ADK: variants seen among roughly 807,000 people sequenced by gnomAD.
The protein encoded by ADK is adenosine kinase.
A neutral mutation model predicts 44.7 loss-of-function variants in ADK; 24 were observed. That is an observed-to-expected ratio of 0.54 (90% confidence interval 0.39 to 0.76). The LOEUF is 0.76. Among genes scored for constraint, ADK ranks in the 30% least tolerant of loss-of-function variants. The probability of loss-of-function intolerance (pLI) is 0.00; values close to 1 mark genes in which losing one functional copy is unlikely to be tolerated. For synonymous variants in ADK, 128 were observed against 142.6 expected, an observed-to-expected ratio of 0.90 and a Z score of 0.73; for missense variants, 321 against 425.1, an observed-to-expected ratio of 0.76 and a Z score of 2.15.
intron 6 of ADK, among the ~76,000 whole-genome samples, chr10:74,464,750 C>T (rs1485451270): frequency 2.6e-5 from 4 of 152,044 alleles, no homozygotes; most frequent in East Asian, 3.9e-4. Context: ...TTGGAAGCCA[C>T]GATGGGTGGG....
At chr10:74,576,320 A>G (rs1851183062) in intron 7 of ADK, among the ~76,000 whole-genome samples, 1 of 152,148 alleles carries the variant, frequency 6.6e-6, no homozygotes, top group African/African-American at 2.4e-5. Flanking sequence ...TGGAAGATCC[A>G]AAAGAGAGCA....
At chr10:74,176,876 A>C in intron 1 of ADK, 3 of 1,609,838 alleles carry the variant, frequency 1.9e-6, no homozygotes, top group African/African-American at 1.3e-5. Flanking sequence ...CGAAGCCATG[A>C]CGTCAGTCAG....
rs1357608859 is a variant in ADK, at chr10:74,377,931, C to T, written c.274-16210C>T. Among the ~76,000 whole-genome samples, 3 of 152,120 alleles carry T rather than the reference C, an allele frequency of 2.0e-5. No homozygotes were observed. The East Asian group carries it at 5.8e-4, about 29-fold the overall frequency. On this transcript the variant is annotated intron_variant, in intron 4 of 10. Coordinates refer to ENST00000539909, the MANE Select transcript of ADK (RefSeq NM_006721.4). ...GGATTTTACTTTATCTCACAAATATCTAATAAAATTTTTGGGTGATCCTCT... is the reference window on the plus strand; with the variant it reads ...GGATTTTACTTTATCTCACAAATATTTAATAAAATTTTTGGGTGATCCTCT...
At chr10:74,678,161 G>A (rs963331552) in intron 10 of ADK, among the ~76,000 whole-genome samples, 6 of 145,354 alleles carry the variant, frequency 4.1e-5, no homozygotes, top group Non-Finnish European at 7.5e-5. Flanking sequence ...AAAAAAAAAA[G>A]GATATGAAAC....
chr10:74,459,827 A>AT (rs937879955), intron 6 of ADK, among the ~76,000 whole-genome samples: 7 of 151,016 alleles, frequency 4.6e-5, no homozygotes, highest in Non-Finnish European at 7.4e-5. Context: ...ATAAGGCATT[A>AT]TTTTTTTTCC....
At position 74,224,587 on chromosome 10, in the gene ADK, G is replaced by A. The variant is rs1424981833; in HGVS notation, c.190G>A (p.Glu64Lys). 1 of 1,613,266 alleles carries A rather than the reference G, an allele frequency of 6.2e-7. No homozygotes were observed. The highest frequency in any genetic ancestry group is 1.3e-5 in the African/African-American group (1 of 74,882). ...AATCTTGGCTGAAGACAAACACAAG[G>A]AACTGTAAGTGCATTAAACCATTGG... Reference protein sequence around the residue: ...DQILAEDKHKELFDELVKKFK... With the variant: ...DQILAEDKHKKLFDELVKKFK... Residue 64 changes from glutamate to lysine, a missense_variant, in exon 3 of 11, where the codon GAA becomes AAA. Glu to Lys is a moderately conservative substitution (Grantham distance 56, BLOSUM62 1). Transcript: ENST00000539909.
chr10:74,488,294 A>C (rs1315262589), intron 6 of ADK, among the ~76,000 whole-genome samples: 1 of 151,714 alleles, frequency 6.6e-6, no homozygotes, highest in South Asian at 2.1e-4. Flanking sequence ...TTATATAGGA[A>C]AATCTCCTTG....
intron 1 of ADK, among the ~76,000 whole-genome samples, chr10:74,180,455 T>C (rs1184036789): frequency 7.3e-6 from 1 of 136,792 alleles, no homozygotes; most frequent in African/African-American, 3.0e-5. Context: ...GCCAGGCTAG[T>C]CTTTTTTTTT....
chr10:74,535,356 G>A (rs938084704), intron 7 of ADK, among the ~76,000 whole-genome samples: 8 of 152,036 alleles, frequency 5.3e-5, no homozygotes, highest in African/African-American at 1.2e-4. Flanking sequence ...CCAGCTATTC[G>A]GGAGGCTAAG....
At chr10:74,642,359 A>AT (rs59316334) in intron 9 of ADK, among the ~76,000 whole-genome samples, 1,822 of 134,134 alleles carry the variant, frequency 0.014, 16 homozygotes, top group Middle Eastern at 0.022. Flanking sequence ...GATGCACTCA[A>AT]TTTTTTTTTT....
intron 10 of ADK, among the ~76,000 whole-genome samples, chr10:74,681,700 A>G (rs1397147255): frequency 6.6e-6 from 1 of 152,110 alleles, no homozygotes; most frequent in Non-Finnish European, 1.5e-5. Flanking sequence ...AACACAAAAA[A>G]TTAGCCAAGC....
intron 4 of ADK, among the ~76,000 whole-genome samples, chr10:74,342,553 G>A (rs1841614810): frequency 6.6e-6 from 1 of 152,122 alleles, no homozygotes; most frequent in South Asian, 2.1e-4. Flanking sequence ...GCTCACTGCA[G>A]CCACAATCTC....
At chr10:74,393,113 G>A (rs1008868376) in intron 4 of ADK, among the ~76,000 whole-genome samples, 6 of 152,040 alleles carry the variant, frequency 3.9e-5, no homozygotes, top group African/African-American at 1.4e-4. Flanking sequence ...TTACAGTTCT[G>A]TCTTTGTTAC....
intron 1 of ADK, among the ~76,000 whole-genome samples, chr10:74,171,808 C>CTGTGTGTGTGTGTG (rs548797359): frequency 2.0e-4 from 28 of 142,534 alleles, no homozygotes; most frequent in African/African-American, 7.9e-4. Context: ...CTCTCTGTCT[C>CTGTGTGTGTGTGTG]TCTGTGTGTG....
intron 10 of ADK, among the ~76,000 whole-genome samples, chr10:74,672,056 A>G (rs1855209061): frequency 6.6e-6 from 1 of 152,236 alleles, no homozygotes; most frequent in Non-Finnish European, 1.5e-5. Context: ...ACAACGATAA[A>G]TAAACTACTT....
rs1003857254 is a variant in ADK at position 74,208,654 on chromosome 10, C to T, written c.140+7816C>T. Among the ~76,000 whole-genome samples the T allele has an allele frequency of 1.4e-4, 22 of 151,972 alleles. 1 individual carries two copies. The Middle Eastern group carries it at 0.01, about 70-fold the overall frequency. On this transcript the variant is annotated intron_variant, in intron 2 of 10. Transcript: ENST00000539909. ...AACTTACCTTATGATATAAACGAAT[C>T]GTGTTTAGCCTACATTTTGAGCCAC...
rs60670688 is a variant in ADK, at chr10:74,205,040, CAAAAAAAAAAAAAA to C, written c.140+4218_140+4231del. Among the ~76,000 whole-genome samples the C allele has an allele frequency of 5.8e-5, 3 of 51,644 alleles. No individual in the cohort carries two copies. In the South Asian group the frequency reaches 3.7e-3, roughly 65 times the overall value. The allele number at this position is 51,644 out of a possible 152,430, so 33.9% of individuals were successfully genotyped here. On this transcript the variant is annotated intron_variant, in intron 2 of 10. Coordinates refer to ENST00000539909, the MANE Select transcript of ADK (RefSeq NM_006721.4). ...GGGTGACAGAGTTGACACTCTGTCT[CAAAAAAAAAAAAAA>C]AAAAAAAAAAAAAAATTAAACCAAG... is the stretch of plus-strand genomic sequence containing the variant.
intron 8 of ADK, among the ~76,000 whole-genome samples, chr10:74,593,431 G>C (rs534548261): frequency 4.6e-5 from 7 of 151,406 alleles, no homozygotes; most frequent in African/African-American, 1.7e-4. Context: ...TTTTAGCTAT[G>C]ATGGCTATGG....
intron 10 of ADK, among the ~76,000 whole-genome samples, chr10:74,697,057 C>G (rs7079633): frequency 0.81 from 122,571 of 152,110 alleles, 49,736 homozygotes; most frequent in African/African-American, 0.89. Context: ...AGATTTTTTA[C>G]AACAAATTAT....
Sources: gnomAD v4.1 joint callset for allele counts (sites outside exome capture counted in the v4.1 genomes callset) on GRCh38, gnomAD v4.1.1 for gene constraint, MANE v1.5 for transcripts, NCBI Gene and HGNC (gene_info 2026-07-23, HGNC 2026-07-21) for gene names.